The following UNC79 variants were observed in gnomAD, a reference collection of about 807,000 sequenced individuals.
The protein encoded by UNC79 is protein unc-79 homolog.
A neutral mutation model predicts 283.1 loss-of-function variants in UNC79; 37 were observed. The ratio of observed to expected loss-of-function variants is 0.13; its 90% CI spans 0.10 to 0.17. The LOEUF is 0.17. Ranked by LOEUF, UNC79 falls within the 10% of genes least tolerant of loss-of-function variation. UNC79 has a pLI of 1.00. For synonymous variants in UNC79, 1,107 were observed against 1,200.2 expected (o/e 0.92, Z 1.61); for missense variants, 2,272 against 3,211.1 (o/e 0.71, Z 7.07).
chr14:93,462,412 G>A (rs901005027), intron 1 of UNC79, among the ~76,000 whole-genome samples: 2 of 152,250 alleles, frequency 1.3e-5, no homozygotes, highest in Non-Finnish European at 2.9e-5. Context: ...GGAGGATTTG[G>A]GATTTTGTCC....
At chr14:93,479,369 C>G (rs1480511879) in intron 4 of UNC79, among the ~76,000 whole-genome samples, 1 of 152,056 alleles carries the variant, frequency 6.6e-6, no homozygotes, top group South Asian at 2.1e-4. Context: ...GCAGTTTTGG[C>G]TCACTATAAC....
chr14:93,374,510 A>T (rs1295507114), intron 1 of UNC79, among the ~76,000 whole-genome samples: 1 of 152,108 alleles, frequency 6.6e-6, no homozygotes, highest in Non-Finnish European at 1.5e-5. Context: ...TTATTCCTGT[A>T]CCACCATTGT....
At chr14:93,639,992 T>C (rs1202930902) in intron 32 of UNC79, among the ~76,000 whole-genome samples, 1 of 152,214 alleles carries the variant, frequency 6.6e-6, no homozygotes, top group East Asian at 1.9e-4. Flanking sequence ...GACTCTTGGA[T>C]TTTTCTGCCT....
intron 40 of UNC79, among the ~76,000 whole-genome samples, chr14:93,663,208 C>T (rs916954863): frequency 6.6e-6 from 1 of 152,148 alleles, no homozygotes; most frequent in African/African-American, 2.4e-5. Context: ...AATCTTATCT[C>T]ATCTTTTGTC....
rs770147901 is a variant in UNC79 at position 93,621,009 on chromosome 14, A to C, written c.4388-612A>C. On this transcript the variant is annotated intron_variant, in intron 29 of 48. Coordinates refer to ENST00000555664, the Ensembl canonical transcript of UNC79. This position sits in a 1 kb window ranked among gnomAD's most constrained non-coding sequence, Gnocchi z 4.8. Reference sequence around the variant, plus strand: ...AGAATAGGCGGCAGCAAAATGGTGAAATATCAGCCGGTTGAGATGAATGTT... The same window carrying C: ...AGAATAGGCGGCAGCAAAATGGTGACATATCAGCCGGTTGAGATGAATGTT... The C allele has an allele frequency of 3.9e-6, 2 of 517,916 alleles. No homozygotes were observed. The highest frequency in any genetic ancestry group is 2.8e-5 in the South Asian group (2 of 71,366). 32.1% of individuals were successfully genotyped at this position (517,916 alleles called of 1,614,324 possible).
At chr14:93,357,255 A>G (rs1398328117) in intron 1 of UNC79, among the ~76,000 whole-genome samples, 1 of 152,040 alleles carries the variant, frequency 6.6e-6, no homozygotes, top group Non-Finnish European at 1.5e-5. Flanking sequence ...TATATGCCAC[A>G]TTTTCTTTAT....
intron 22 of UNC79, among the ~76,000 whole-genome samples, chr14:93,592,239 A>G (rs149384093): frequency 0.019 from 2,825 of 147,920 alleles, 90 homozygotes; most frequent in African/African-American, 0.067. Flanking sequence ...CAGTGGCTCA[A>G]TCTCGGTTCA....
chr14:93,610,758 G>C (rs762119691), intron 26 of UNC79, among the ~76,000 whole-genome samples: 4 of 151,852 alleles, frequency 2.6e-5, no homozygotes, highest in Non-Finnish European at 5.9e-5. Flanking sequence ...CTACAGGTGT[G>C]CACCACCATG....
At chr14:93,534,434 T>C (rs1034632532) in intron 11 of UNC79, among the ~76,000 whole-genome samples, 3 of 152,202 alleles carry the variant, frequency 2.0e-5, no homozygotes, top group Non-Finnish European at 1.5e-5. Flanking sequence ...ATGACTTTCT[T>C]AAAAACTTTG....
chr14:93,613,467 G>C (rs1025707853), intron 27 of UNC79, among the ~76,000 whole-genome samples: 17 of 129,476 alleles, frequency 1.3e-4, no homozygotes, highest in African/African-American at 5.1e-4. Flanking sequence ...CCAGGCTGGA[G>C]TGCAGTGGCG....
intron 4 of UNC79, among the ~76,000 whole-genome samples, chr14:93,484,302 A>C (rs1355444375): frequency 6.6e-6 from 1 of 152,234 alleles, no homozygotes; most frequent in Non-Finnish European, 1.5e-5. Context: ...GTTGAATTTA[A>C]TAAGTGACTA....
chr14:93,436,945 G>A (rs778502109), intron 1 of UNC79, among the ~76,000 whole-genome samples: 23 of 151,924 alleles, frequency 1.5e-4, no homozygotes, highest in Non-Finnish European at 7.4e-5. Context: ...ATTTGATGTG[G>A]GATTAAAACT....
Position 93,430,818 on chromosome 14 carries a change from C to T in UNC79, c.-212C>T. ...GCCGCCTATTAAATCCCACCCATTTCTCCGGGGGCGATTTCCTAACCTTCC... is the reference window on the plus strand; with the variant it reads ...GCCGCCTATTAAATCCCACCCATTTTTCCGGGGGCGATTTCCTAACCTTCC... On this transcript the variant is annotated 5_prime_UTR_variant, in exon 1 of 49. Transcript: ENST00000555664. This position sits in a 1 kb window ranked among gnomAD's most constrained non-coding sequence, Gnocchi z 4.6. 2.0e-6 allele frequency: 1 copy of T among 505,270 alleles called. No individual in the cohort carries two copies. The highest frequency in any genetic ancestry group is 3.0e-5 in the Admixed American group (1 of 33,024). The allele number at this position is 505,270 out of a possible 1,614,324, so 31.3% of individuals were successfully genotyped here. A position where few individuals can be genotyped will look rare whatever the true frequency, so the allele number is the denominator to read the frequency against.
intron 1 of UNC79, among the ~76,000 whole-genome samples, chr14:93,359,299 T>C (rs2054171359): frequency 6.6e-6 from 1 of 152,208 alleles, no homozygotes; most frequent in East Asian, 1.9e-4. Flanking sequence ...TTAGTCACTT[T>C]AGACCTACTC....
chr14:93,485,176 A>ATATATATATGTATATATATGTG (rs1566983634), intron 4 of UNC79, among the ~76,000 whole-genome samples: 8 of 150,476 alleles, frequency 5.3e-5, no homozygotes, highest in Non-Finnish European at 1.0e-4. Context: ...CAAAACAAGA[A>ATATATATATGTATATATATGTG]TATATATATG....
intron 1 of UNC79, among the ~76,000 whole-genome samples, chr14:93,394,534 C>T (rs935222590): frequency 2.6e-5 from 4 of 151,486 alleles, no homozygotes; most frequent in African/African-American, 9.7e-5. Flanking sequence ...CCTCAGCCTC[C>T]TGAGTAGCTG....
chr14:93,506,824 G>A (rs2059567953), intron 7 of UNC79, among the ~76,000 whole-genome samples: 1 of 152,152 alleles, frequency 6.6e-6, no homozygotes, highest in Non-Finnish European at 1.5e-5. Context: ...TATGACAAAT[G>A]TATAATGCTC....
chr14:93,357,697 A>G (rs60888600), intron 1 of UNC79, among the ~76,000 whole-genome samples: 1,448 of 118,984 alleles, frequency 0.012, 90 homozygotes, highest in African/African-American at 0.055. Context: ...ATATATATAT[A>G]TATATATATA....
intron 35 of UNC79, among the ~76,000 whole-genome samples, chr14:93,651,695 A>G (rs2070280456): frequency 6.6e-6 from 1 of 152,060 alleles, no homozygotes; most frequent in African/African-American, 2.4e-5. Flanking sequence ...TCATCTGTAA[A>G]TAGCAAGAGT....
Sources: gnomAD v4.1 joint callset for allele counts (sites outside exome capture counted in the v4.1 genomes callset) on GRCh38, gnomAD v4.1.1 for gene constraint, Gnocchi (gnomAD v3.1) non-coding constraint, MANE v1.5 for transcripts, NCBI Gene and HGNC (gene_info 2026-07-23, HGNC 2026-07-21) for gene names.